Variants in ARHGAP6 observed in about 807,000 individuals in gnomAD.
ARHGAP6 encodes the protein Rho GTPase activating protein 6.
Under a neutral mutation model 55.7 loss-of-function variants are expected in ARHGAP6, and 16 were observed. The observed-to-expected ratio is 0.29, with a 90% CI of 0.19 to 0.44. The LOEUF is 0.44. ARHGAP6 is among the 20% of genes least tolerant of loss of function. ARHGAP6 has a pLI of 1.00. For missense variants in ARHGAP6, 698 were observed against 808.9 expected, an observed-to-expected ratio of 0.86 and a Z score of 1.66; for synonymous variants, 382 against 360.9, an observed-to-expected ratio of 1.06 and a Z score of -0.66.
At chrX:11,324,310 C>T (rs932650510) in intron 1 of ARHGAP6, among the ~76,000 whole-genome samples, 1 of 112,137 alleles carries the variant, frequency 8.9e-6, no homozygotes, top group African/African-American at 3.2e-5. Context: ...AAAGTAAAAG[C>T]AGACTGGTCA....
At chrX:11,499,292 C>A (rs1264783977) in intron 1 of ARHGAP6, among the ~76,000 whole-genome samples, 1 of 111,216 alleles carries the variant, frequency 9.0e-6, no homozygotes, top group Non-Finnish European at 1.9e-5. Flanking sequence ...ATGTTTATTG[C>A]GGAATTGGGA....
intron 1 of ARHGAP6, among the ~76,000 whole-genome samples, chrX:11,653,114 A>G (rs1376069272): frequency 8.9e-6 from 1 of 112,187 alleles, no homozygotes; most frequent in African/African-American, 3.2e-5. Flanking sequence ...GCTTGAAATG[A>G]GAAGCACACT....
At chrX:11,200,947 A>C (rs1338576406) in intron 2 of ARHGAP6, among the ~76,000 whole-genome samples, 1 of 112,409 alleles carries the variant, frequency 8.9e-6, no homozygotes, top group Admixed American at 9.4e-5. Context: ...CCTTTGAGGA[A>C]TAAATATTAC....
At chrX:11,289,310 C>T (rs1348970760) in intron 1 of ARHGAP6, among the ~76,000 whole-genome samples, 2 of 111,389 alleles carry the variant, frequency 1.8e-5, no homozygotes, top group Non-Finnish European at 3.8e-5. Context: ...GCAAGTAGCA[C>T]TATCACTTAC....
At chrX:11,559,626 T>C (rs1260594951) in intron 1 of ARHGAP6, among the ~76,000 whole-genome samples, 1 of 111,538 alleles carries the variant, frequency 9.0e-6, no homozygotes, top group Non-Finnish European at 1.9e-5. Flanking sequence ...TAACTGTCTG[T>C]TCAACAAATA....
At chrX:11,631,811 T>C (rs1193511660) in intron 1 of ARHGAP6, among the ~76,000 whole-genome samples, 1 of 112,389 alleles carries the variant, frequency 8.9e-6, no homozygotes. Context: ...TATGTCCCAA[T>C]AAAGCTTTAT....
chrX:11,216,650 A>G (rs1052746361), intron 2 of ARHGAP6, among the ~76,000 whole-genome samples: 3 of 112,267 alleles, frequency 2.7e-5, no homozygotes, highest in Non-Finnish European at 3.8e-5. Context: ...TTCACATAAG[A>G]CATTTCTTCT....
chrX:11,567,472 T>G (rs913118048), intron 1 of ARHGAP6, among the ~76,000 whole-genome samples: 3 of 104,773 alleles, frequency 2.9e-5, no homozygotes, highest in Non-Finnish European at 5.9e-5. Flanking sequence ...GAGAATGGCA[T>G]GAACCTGGGA....
intron 1 of ARHGAP6, among the ~76,000 whole-genome samples, chrX:11,530,996 T>C (rs1284311731): frequency 8.9e-6 from 1 of 112,192 alleles, no homozygotes; most frequent in Non-Finnish European, 1.9e-5. Context: ...TGTGTGACGG[T>C]CATTTTGTAT....
chrX:11,404,788 A>T (rs1455074529), intron 1 of ARHGAP6, among the ~76,000 whole-genome samples: 1 of 112,070 alleles, frequency 8.9e-6, no homozygotes, highest in Admixed American at 9.5e-5. Context: ...ATCATGTAGG[A>T]ACGAGTAATT....
In ARHGAP6 at chrX:11,545,474, TA is replaced by T. The variant is rs775252280; in HGVS notation, c.588+118766del. Among the ~76,000 whole-genome samples, 57 of 111,563 alleles carry T rather than the reference TA, an allele frequency of 5.1e-4. 1 individual carries two copies. The highest frequency in any genetic ancestry group is 3.0e-3 in the Admixed American group (31 of 10,472). On this transcript the variant is annotated intron_variant, in intron 1 of 12. Transcript: ENST00000337414. ...CTCAGATAAAGCTATCAGGCTTTCT[TA>T]AAAAAAATAATTTGTGCTTCAAAAT... is the stretch of plus-strand genomic sequence containing the variant.
intron 1 of ARHGAP6, among the ~76,000 whole-genome samples, chrX:11,378,729 G>T (rs957691297): frequency 1.8e-5 from 2 of 112,345 alleles, no homozygotes; most frequent in African/African-American, 6.5e-5. Flanking sequence ...CTTTGTCTTA[G>T]TTGAAGACCT....
At chrX:11,243,326 C>T (rs997459170) in intron 2 of ARHGAP6, among the ~76,000 whole-genome samples, 4 of 111,529 alleles carry the variant, frequency 3.6e-5, no homozygotes, top group African/African-American at 9.8e-5. Context: ...ACCCCAAACT[C>T]GGGAAATGAA....
chrX:11,413,537 G>A (rs1000543776), intron 1 of ARHGAP6, among the ~76,000 whole-genome samples: 3 of 112,008 alleles, frequency 2.7e-5, no homozygotes, highest in Admixed American at 9.4e-5. Context: ...CAAGCCACAC[G>A]GAGTTTAAAG....
At chrX:11,178,422 G>T (rs1240977231) in intron 7 of ARHGAP6, among the ~76,000 whole-genome samples, 174 bp from the exon 8 acceptor site, 2 of 107,944 alleles carry the variant, frequency 1.9e-5, no homozygotes, top group African/African-American at 6.8e-5. Flanking sequence ...TTCTATGAAA[G>T]ATATAAAGCC....
chrX:11,539,567 C>T lies in ARHGAP6; in HGVS notation c.588+124674G>A, dbSNP rs538787215. Among the ~76,000 whole-genome samples, 23 of 112,135 alleles carry T rather than the reference C, an allele frequency of 2.1e-4. No individual in the cohort carries two copies. The South Asian group carries it at 8.6e-3, about 42-fold the overall frequency. On this transcript the variant is annotated intron_variant, in intron 1 of 12. Transcript: ENST00000337414. ...ATCCACATGGGCATAAACTCAGACACTCGAGAGTAAACAGCTTTTTCTCAT... is the reference window on the plus strand; with the variant it reads ...ATCCACATGGGCATAAACTCAGACATTCGAGAGTAAACAGCTTTTTCTCAT...
At chrX:11,191,858 G>A (rs928706124) in intron 3 of ARHGAP6, among the ~76,000 whole-genome samples, 4 of 111,519 alleles carry the variant, frequency 3.6e-5, no homozygotes, top group Non-Finnish European at 5.6e-5. Context: ...TTGCATCCTG[G>A]ATATACTAAC....
In ARHGAP6 at chrX:11,326,682, G is replaced by T. The variant is rs957464515; in HGVS notation, c.589-71975C>A. ...CCCTCGATGTCAAAAGTAAGTGGTAGCCTGTATTGCTTAGGAGGCACTATT... is the reference window on the plus strand; with the variant it reads ...CCCTCGATGTCAAAAGTAAGTGGTATCCTGTATTGCTTAGGAGGCACTATT... On this transcript the variant is annotated intron_variant, in intron 1 of 12. Transcript: ENST00000337414. Among the ~76,000 whole-genome samples the T allele has an allele frequency of 1.7e-4, 19 of 111,747 alleles. 1 individual carries two copies. Among genetic ancestry groups the T allele is most frequent in the Non-Finnish European group, 3.8e-5 (2 of 53,140 alleles).
chrX:11,395,531 A>T (rs912005176), intron 1 of ARHGAP6, among the ~76,000 whole-genome samples: 2 of 112,147 alleles, frequency 1.8e-5, no homozygotes, highest in Admixed American at 1.9e-4. Flanking sequence ...CAAGGTGAGG[A>T]CACAGGACAT....
Sources: allele counts gnomAD v4.1 joint callset (sites outside exome capture counted in the v4.1 genomes callset), GRCh38; gene constraint gnomAD v4.1.1; transcripts MANE v1.5; gene names NCBI Gene and HGNC (gene_info 2026-07-23, HGNC 2026-07-21).